The following NCOR1 variants were observed in gnomAD, a reference collection of about 807,000 sequenced individuals.
NCOR1 encodes protein phosphatase 1, regulatory subunit 109.
In NCOR1, 63 loss-of-function variants were observed where a neutral mutation model predicts 288.1. The observed-to-expected ratio is 0.22, with a 90% CI of 0.18 to 0.27. The LOEUF (loss-of-function observed/expected upper bound fraction) is 0.27. Ranked by LOEUF, NCOR1 falls within the 10% of genes least tolerant of loss-of-function variation. NCOR1 has a pLI of 1.00. For missense variants in NCOR1, 2,397 were observed against 3,019.2 expected, an observed-to-expected ratio of 0.79 and a Z score of 4.83; for synonymous variants, 1,007 against 1,065.9, an observed-to-expected ratio of 0.94 and a Z score of 1.08.
At position 16,058,544 on chromosome 17, in the gene NCOR1, G is replaced by A; in HGVS notation, c.5937C>T (p.Ala1979=). The change falls in exon 38 of 46, where the codon GCC becomes GCT. Residue 1979 remains alanine (A), a synonymous_variant. Transcript: ENST00000268712. Reference sequence around the variant, plus strand: ...TCTCCTGGGGTGGCGCAGGTGAGCTGGCAGGACTTATCACCTCAATAGCAT... The same window carrying A: ...TCTCCTGGGGTGGCGCAGGTGAGCTAGCAGGACTTATCACCTCAATAGCAT... ...PSDAIEVISP[A]SSPAPPQEKL... The A allele has an allele frequency of 6.2e-7, 1 of 1,613,960 alleles. No individual in the cohort carries two copies. Among genetic ancestry groups the A allele is most frequent in the South Asian group, 1.1e-5 (1 of 91,068 alleles).
At chr17:16,140,737 C>A (rs1421576839) in intron 11 of NCOR1, among the ~76,000 whole-genome samples, 1 of 152,150 alleles carries the variant, frequency 6.6e-6, no homozygotes, top group Non-Finnish European at 1.5e-5. Context: ...TCGCTTGAAC[C>A]TGGGACGCGG....
At chr17:16,052,314 G>A (rs1465992584) in intron 40 of NCOR1, among the ~76,000 whole-genome samples, 4 of 151,942 alleles carry the variant, frequency 2.6e-5, no homozygotes, top group Non-Finnish European at 5.9e-5. Flanking sequence ...ATGAGCCACG[G>A]CACCCGGCCT....
At chr17:16,209,318 ATTC>A (rs2091896038) in intron 1 of NCOR1, among the ~76,000 whole-genome samples, 2 of 152,160 alleles carry the variant, frequency 1.3e-5, no homozygotes, top group African/African-American at 2.4e-5. Flanking sequence ...AAAACAAAAA[ATTC>A]TTCTTAATGC....
At chr17:16,080,095 C>T (rs769992546) in intron 25 of NCOR1, 31 bp from the exon 26 acceptor site, 6 of 1,572,048 alleles carry the variant, frequency 3.8e-6, no homozygotes, top group Admixed American at 3.3e-5. Flanking sequence ...TAGCAAATTA[C>T]ACCCCCAGCC....
intron 2 of NCOR1, among the ~76,000 whole-genome samples, 174 bp downstream of exon 2, chr17:16,194,288 T>TAGACAG (rs1555804854): frequency 6.6e-6 from 1 of 151,498 alleles, no homozygotes; most frequent in Non-Finnish European, 1.5e-5. Context: ...AAAGCCACAG[T>TAGACAG]AAGACAGAAA....
intron 15 of NCOR1, among the ~76,000 whole-genome samples, chr17:16,121,733 T>C (rs1054224687): frequency 2.6e-5 from 4 of 152,212 alleles, no homozygotes; most frequent in Non-Finnish European, 5.9e-5. Context: ...TCCACAATAT[T>C]GTTTTACAGT....
chr17:16,078,580 CTTT>C lies in NCOR1; in HGVS notation c.3501+1381_3501+1383del, dbSNP rs11299070. Reference sequence around the variant, plus strand: ...CACACTGACCCAATATAAATGGAGACTTTTTTTTTTTTTGAGACGGAGTCTCAC... The same window carrying C: ...CACACTGACCCAATATAAATGGAGACTTTTTTTTTTGAGACGGAGTCTCAC... On this transcript the variant is annotated intron_variant, in intron 26 of 45. Coordinates refer to ENST00000268712, the MANE Select transcript of NCOR1 (RefSeq NM_006311.4). Among the ~76,000 whole-genome samples, 1,387 of 148,278 alleles carry C rather than the reference CTTT, an allele frequency of 9.4e-3. 28 individuals carry two copies. The highest frequency in any genetic ancestry group is 0.033 in the African/African-American group (1,321 of 40,422).
chr17:16,174,956 GA>G (rs1414096976), intron 3 of NCOR1, among the ~76,000 whole-genome samples: 4 of 150,818 alleles, frequency 2.7e-5, no homozygotes, highest in African/African-American at 7.3e-5. Context: ...ATTCACAGCA[GA>G]ATTATTCATA....
chr17:16,178,316 A>G (rs993590974), intron 3 of NCOR1, among the ~76,000 whole-genome samples: 1 of 151,912 alleles, frequency 6.6e-6, no homozygotes, highest in Non-Finnish European at 1.5e-5. Context: ...TGACTAACAC[A>G]GTGAAACCCC....
At chr17:16,043,577 G>GA (rs1280026829) in intron 42 of NCOR1, among the ~76,000 whole-genome samples, 2 of 152,310 alleles carry the variant, frequency 1.3e-5, no homozygotes, top group South Asian at 2.1e-4. Context: ...AGGCAAGAGA[G>GA]AAAAAACTAT....
At chr17:16,147,017 T>C (rs2078089586) in intron 9 of NCOR1, among the ~76,000 whole-genome samples, 1 of 152,230 alleles carries the variant, frequency 6.6e-6, no homozygotes, top group African/African-American at 2.4e-5. Flanking sequence ...TATTGGAGGT[T>C]CTGGTTGATT....
At chr17:16,171,239 A>T in intron 4 of NCOR1, among the ~76,000 whole-genome samples, 1 of 152,180 alleles carries the variant, frequency 6.6e-6, no homozygotes, top group Non-Finnish European at 1.5e-5. Context: ...ATTCCACAAT[A>T]AAACTGGGGG....
Position 16,029,344 on chromosome 17 carries a change from G to T in NCOR1, c.*2952C>A, listed in dbSNP as rs1232950915. 6 of 414,078 alleles carry T rather than the reference G, an allele frequency of 1.4e-5. No homozygotes were observed. Among genetic ancestry groups the T allele is most frequent in the South Asian group, 1.1e-4 (6 of 55,952 alleles). The allele number at this position is 414,078 out of a possible 1,614,324, so 25.7% of individuals were successfully genotyped here. A position where few individuals can be genotyped will look rare whatever the true frequency, so the allele number is the denominator to read the frequency against. On this transcript the variant is annotated 3_prime_UTR_variant, in exon 46 of 46. Coordinates refer to ENST00000268712, the MANE Select transcript of NCOR1 (RefSeq NM_006311.4). The stretch of plus-strand genomic sequence containing the variant: ...AAAAGGAGGACTGATCTCCTTTACT[G>T]ATTGGTCTAAATTCAAAAGTGAATT...
At chr17:16,090,779 A>C (rs747083180) in intron 22 of NCOR1, among the ~76,000 whole-genome samples, 49 of 152,354 alleles carry the variant, frequency 3.2e-4, no homozygotes, top group Non-Finnish European at 6.5e-4. Flanking sequence ...CTAATAACTC[A>C]ATATTGGTGT....
rs1262550280 is a variant in NCOR1 at position 16,091,987 on chromosome 17, A to T, written c.2892T>A (p.Ile964=). Residue 964 remains isoleucine (I), a synonymous_variant, in exon 22 of 46, where the codon ATT becomes ATA. Coordinates refer to ENST00000268712, the MANE Select transcript of NCOR1 (RefSeq NM_006311.4). The stretch of plus-strand genomic sequence containing the variant: ...GGAGTGCTGACTCATGCATTGCTTT[A>T]ATGTGTCGCTGGTAGAGAGCATAGC... ...VSGYALYQRH[I]KAMHESALLE... 1.2e-6 allele frequency: 2 copies of T among 1,614,158 alleles called. No homozygotes were observed. Among genetic ancestry groups the T allele is most frequent in the Admixed American group, 3.3e-5 (2 of 60,028 alleles).
rs2067647360 is a variant in NCOR1, at chr17:16,101,639, T to C, written c.2301A>G (p.Leu767=). The change falls in exon 20 of 46, where the codon TTA becomes TTG. Residue 767 remains leucine, a synonymous_variant. Coordinates refer to ENST00000268712, the MANE Select transcript of NCOR1 (RefSeq NM_006311.4). ...CAGCTGGTTTTGTACTTGGAACTGC[T>C]AAGGAGGGAGATGTACTGGGTGCAG... ...TETAPSTSPS[L]AVPSTKPAED... is the part of the protein sequence containing the mutation. 1 of 1,614,170 alleles carries C rather than the reference T, an allele frequency of 6.2e-7. No homozygotes were observed. The highest frequency in any genetic ancestry group is 8.5e-7 in the Non-Finnish European group (1 of 1,180,020).
chr17:16,121,121 C>G lies in NCOR1; in HGVS notation c.1783G>C (p.Ala595Pro), dbSNP rs772048399. 1.2e-6 allele frequency: 2 copies of G among 1,614,184 alleles called. No homozygotes were observed. The highest frequency in any genetic ancestry group is 1.7e-6 in the Non-Finnish European group (2 of 1,180,032). The change falls in exon 16 of 46, where the codon GCT becomes CCT. Residue 595 changes from alanine (A) to proline (P), a missense_variant. Physicochemically the swap from Ala to Pro is conservative, Grantham distance 27. Transcript: ENST00000268712. ...ITRSMTNEAA[A>P]ASAAAAAATE... is the part of the protein sequence containing the mutation. ...GCCGCTGCGGCTGCAGCACTGGCAG[C>G]TGCAGCTTCGTTTGTCATGGACCTG...
intron 4 of NCOR1, among the ~76,000 whole-genome samples, chr17:16,169,056 A>G (rs2082611720): frequency 6.6e-6 from 1 of 152,224 alleles, no homozygotes; most frequent in South Asian, 2.1e-4. Flanking sequence ...AATTTTATTT[A>G]ATCAATGAAC....
At position 16,046,953 on chromosome 17, in the gene NCOR1, A is replaced by AT; in HGVS notation, c.6676dup (p.Met2226AsnfsTer9). 6.2e-7 allele frequency: 1 copy of AT among 1,613,812 alleles called. No individual in the cohort carries two copies. The highest frequency in any genetic ancestry group is 8.5e-7 in the Non-Finnish European group (1 of 1,179,864). On this transcript the variant is annotated frameshift_variant, in exon 42 of 46. Transcript: ENST00000268712. LOFTEE classifies it high-confidence loss of function. ...TTCATGAAAGAAATCCCACTTACCC[A>AT]TATCAGAGTCACCTCCACCAGAGGA...
Sources: gnomAD v4.1 joint callset for allele counts (sites outside exome capture counted in the v4.1 genomes callset) on GRCh38, gnomAD v4.1.1 for gene constraint, MANE v1.5 for transcripts, NCBI Gene and HGNC (gene_info 2026-07-23, HGNC 2026-07-21) for gene names.